JADE1: variants seen among roughly 807,000 people sequenced by gnomAD.
The protein encoded by JADE1 is jade family PHD finger 1, also known as protein Jade-1.
JADE1 carries 14 observed loss-of-function variants against 81.8 expected under a neutral mutation model. That is an observed-to-expected ratio of 0.17 (90% confidence interval 0.11 to 0.27). The LOEUF (loss-of-function observed/expected upper bound fraction) is 0.27. Ranked by LOEUF, JADE1 falls within the 10% of genes least tolerant of loss-of-function variation. The pLI is 1.00. For synonymous variants in JADE1, 353 were observed against 391.9 expected (o/e 0.90, Z 1.17); for missense variants, 690 against 1,047.9 (o/e 0.66, Z 4.71).
chr4:128,820,812 T>G (rs966361224), intron 1 of JADE1, among the ~76,000 whole-genome samples: 5 of 152,202 alleles, frequency 3.3e-5, no homozygotes, highest in Admixed American at 1.3e-4. Flanking sequence ...TGCATTTCAA[T>G]CTGTGCACAG....
rs1360727597 is a variant in JADE1 at position 128,809,796 on chromosome 4, C to T, written c.-108C>T. On this transcript the variant is annotated 5_prime_UTR_variant, in exon 1 of 11. Coordinates refer to ENST00000226319, the MANE Select transcript of JADE1 (RefSeq NM_199320.4). ...GAGCAGGGGCCCGCCCGGCTCCCCG[C>T]CCGCCGCGGCCCGAACTCATGCAGC... 2 of 151,880 alleles carry T rather than the reference C, an allele frequency of 1.3e-5. No homozygotes were observed. The highest frequency in any genetic ancestry group is 2.9e-5 in the Non-Finnish European group (2 of 67,912). The allele number at this position is 151,880 out of a possible 1,614,324, so 9.4% of individuals were successfully genotyped here.
At chr4:128,863,688 A>C in intron 9 of JADE1, 1 of 985,356 alleles carries the variant, frequency 1.0e-6, no homozygotes, top group Non-Finnish European at 1.2e-6. Flanking sequence ...GAGTGTAAAG[A>C]AGACTTTGCC....
At chr4:128,823,023 G>C (rs1579110237) in intron 1 of JADE1, among the ~76,000 whole-genome samples, 1 of 152,150 alleles carries the variant, frequency 6.6e-6, no homozygotes. Flanking sequence ...AAAGAATTCT[G>C]AGTAGATGGA....
chr4:128,852,885 T>G (rs1451706197), intron 6 of JADE1, among the ~76,000 whole-genome samples: 1 of 151,970 alleles, frequency 6.6e-6, no homozygotes, highest in Non-Finnish European at 1.5e-5. Context: ...TCATGTGTGT[T>G]CTCCCTGTGT....
intron 4 of JADE1, among the ~76,000 whole-genome samples, chr4:128,847,796 G>T (rs751861064): frequency 6.6e-6 from 1 of 152,164 alleles, no homozygotes; most frequent in African/African-American, 2.4e-5. Flanking sequence ...TCAGTGTCAC[G>T]TAGATAAAAT....
intron 1 of JADE1, among the ~76,000 whole-genome samples, chr4:128,814,370 C>T (rs888870494): frequency 3.3e-5 from 5 of 152,144 alleles, no homozygotes; most frequent in African/African-American, 9.7e-5. Context: ...TTGACTTTAG[C>T]TGTTAAAAAG....
At position 128,872,120 on chromosome 4, in the gene JADE1, C is replaced by T. The variant is rs1224133416; in HGVS notation, c.2387C>T (p.Ser796Phe). 1.2e-6 allele frequency: 2 copies of T among 1,614,018 alleles called. No homozygotes were observed. Among genetic ancestry groups the T allele is most frequent in the Non-Finnish European group, 1.7e-6 (2 of 1,180,028 alleles). The part of the protein sequence containing the change: ...AKERAKSKLK[S>F]DNENDGYVPD... ...GAAAGGGCAAAAAGCAAATTAAAAT[C>T]CGACAATGAGAATGACGGGTATGTC... The change falls in exon 11 of 11, where the codon TCC (serine) becomes TTC (phenylalanine). Residue 796 changes from serine (S) to phenylalanine (F), a missense_variant. Around this residue, in one of 8 missense-constraint regions of JADE1, gnomAD observed 218 missense variants for 274.3 expected, o/e 0.79. Coordinates refer to ENST00000226319, the MANE Select transcript of JADE1 (RefSeq NM_199320.4).
At chr4:128,865,600 T>C (rs1015878512) in intron 9 of JADE1, among the ~76,000 whole-genome samples, 1 of 152,164 alleles carries the variant, frequency 6.6e-6, no homozygotes, top group Non-Finnish European at 1.5e-5. Context: ...TAGGGAACTT[T>C]ATGCATAAGG....
intron 1 of JADE1, among the ~76,000 whole-genome samples, chr4:128,829,686 G>A (rs1023196744): frequency 2.6e-5 from 4 of 152,102 alleles, no homozygotes; most frequent in Non-Finnish European, 4.4e-5. Context: ...AGACTTCACC[G>A]AAGAGAAAAA....
Position 128,862,144 on chromosome 4 carries a change from G to C in JADE1, c.1422G>C (p.Glu474Asp), listed in dbSNP as rs766301892. Residue 474 changes from glutamate to aspartate, a missense_variant, in exon 9 of 11, where the codon GAG (glutamate) becomes GAC (aspartate). Coordinates refer to ENST00000226319, the MANE Select transcript of JADE1 (RefSeq NM_199320.4). ...TGATCACCCCAAAGAAAGATGAAGA[G>C]GACAATCTAGCCAAGCGGGAGCAGG... ...KPLITPKKDE[E>D]DNLAKREQDV... 6.0e-5 allele frequency: 97 copies of C among 1,614,072 alleles called. No homozygotes were observed. Among genetic ancestry groups the C allele is most frequent in the Non-Finnish European group, 8.1e-5 (95 of 1,180,038 alleles).
At position 128,874,607 on chromosome 4, in the gene JADE1, C is replaced by G. The variant is rs1042272110; in HGVS notation, c.*2345C>G. Reference sequence around the variant, plus strand: ...AATGGATAGAGCACGGTTTCTCTGACAGTATAATGATAGCTTTGTGAGTTA... The same window carrying G: ...AATGGATAGAGCACGGTTTCTCTGAGAGTATAATGATAGCTTTGTGAGTTA... On this transcript the variant is annotated 3_prime_UTR_variant, in exon 11 of 11. Transcript: ENST00000226319. 1.3e-5 allele frequency: 2 copies of G among 152,540 alleles called. No individual in the cohort carries two copies. The highest frequency in any genetic ancestry group is 3.8e-4 in the East Asian group (2 of 5,196). 9.4% of individuals were successfully genotyped at this position (152,540 alleles called of 1,614,324 possible). A position where few individuals can be genotyped will look rare whatever the true frequency, so the allele number is the denominator to read the frequency against.
intron 1 of JADE1, among the ~76,000 whole-genome samples, chr4:128,814,665 G>A (rs1579084286): frequency 1.3e-5 from 2 of 151,198 alleles, no homozygotes; most frequent in Admixed American, 6.6e-5. Context: ...AGGTTCAAGC[G>A]ATTCTCCTGC....
intron 1 of JADE1, among the ~76,000 whole-genome samples, chr4:128,821,459 T>C (rs918509184): frequency 6.6e-6 from 1 of 151,866 alleles, no homozygotes; most frequent in Non-Finnish European, 1.5e-5. Flanking sequence ...GTAGTACTAC[T>C]GTGATAATGG....
chr4:128,873,273 GAAA>G lies in JADE1; in HGVS notation c.*1016_*1018del. 1.3e-5 allele frequency: 1 copy of G among 78,678 alleles called. No individual in the cohort carries two copies. Among genetic ancestry groups the G allele is most frequent in the Non-Finnish European group, 2.7e-5 (1 of 37,288 alleles). The allele number at this position is 78,678 out of a possible 1,614,324, so 4.9% of individuals were successfully genotyped here. A position where few individuals can be genotyped will look rare whatever the true frequency, so the allele number is the denominator to read the frequency against. On this transcript the variant is annotated 3_prime_UTR_variant, in exon 11 of 11. Transcript: ENST00000226319. Reference sequence around the variant, plus strand: ...AGAAAAAGGAAAAAAAAAAAAAAAAGAAAAAAAGAAAAAAAAAAGAAAAAAGAA... The same window carrying G: ...AGAAAAAGGAAAAAAAAAAAAAAAAGAAAAGAAAAAAAAAAGAAAAAAGAA...
rs376777809 is a variant in JADE1, at chr4:128,872,819, T to C, written c.*557T>C. On this transcript the variant is annotated 3_prime_UTR_variant, in exon 11 of 11. Transcript: ENST00000226319. ...ACACTAAGAAATTTATGTGTAAATA[T>C]AGCAGTCAGGGAAGAGAATTTTAAA... 1.8e-5 allele frequency: 8 copies of C among 438,892 alleles called. No homozygotes were observed. Among genetic ancestry groups the C allele is most frequent in the African/African-American group, 1.2e-4 (6 of 49,514 alleles). The allele number at this position is 438,892 out of a possible 1,614,324, so 27.2% of individuals were successfully genotyped here. A position where few individuals can be genotyped will look rare whatever the true frequency, so the allele number is the denominator to read the frequency against.
Position 128,871,215 on chromosome 4 carries a change from TG to T in JADE1, c.1622-139del. ...ATCTCTTCACTATAAAAACCAAATTTGTACAAACTTGGTGGTGTAAGTGTTG... is the reference window on the plus strand; with the variant it reads ...ATCTCTTCACTATAAAAACCAAATTTTACAAACTTGGTGGTGTAAGTGTTG... On this transcript the variant is annotated intron_variant, in intron 10 of 10. Coordinates refer to ENST00000226319, the MANE Select transcript of JADE1 (RefSeq NM_199320.4). This position sits in a 1 kb window ranked among gnomAD's most constrained non-coding sequence, Gnocchi z 4.1. 1 of 813,018 alleles carries T rather than the reference TG, an allele frequency of 1.2e-6. No homozygotes were observed. The highest frequency in any genetic ancestry group is 1.9e-6 in the Non-Finnish European group (1 of 521,138). The allele number at this position is 813,018 out of a possible 1,614,324, so 50.4% of individuals were successfully genotyped here.
chr4:128,850,786 C>T (rs192587366), intron 5 of JADE1, among the ~76,000 whole-genome samples: 18 of 152,276 alleles, frequency 1.2e-4, no homozygotes, highest in African/African-American at 2.9e-4. Context: ...AAAGACTCTT[C>T]GCATTTATGA....
intron 6 of JADE1, among the ~76,000 whole-genome samples, chr4:128,853,356 G>A (rs903090938): frequency 1.3e-5 from 2 of 152,176 alleles, no homozygotes; most frequent in African/African-American, 2.4e-5. Flanking sequence ...ACAATTTGCC[G>A]TCATATTTGT....
chr4:128,867,219 C>T (rs886851387), intron 9 of JADE1, among the ~76,000 whole-genome samples: 2 of 152,168 alleles, frequency 1.3e-5, no homozygotes, highest in African/African-American at 2.4e-5. Flanking sequence ...CCTAGGCATT[C>T]GCACACCTCA....
Sources: allele counts gnomAD v4.1 joint callset (sites outside exome capture counted in the v4.1 genomes callset), GRCh38; gene constraint gnomAD v4.1.1; regional missense constraint gnomAD v4.1.1; non-coding constraint Gnocchi (gnomAD v3.1); transcripts MANE v1.5; gene names NCBI Gene and HGNC (gene_info 2026-07-23, HGNC 2026-07-21).